The following ARHGAP35 variants were observed in gnomAD, a reference collection of about 807,000 sequenced individuals.
The protein encoded by ARHGAP35 is rho GTPase-activating protein 35.
A neutral mutation model predicts 111.1 loss-of-function variants in ARHGAP35; 15 were observed. The ratio of observed to expected loss-of-function variants is 0.13; its 90% CI spans 0.09 to 0.21. ARHGAP35 has a LOEUF of 0.21. Ranked by LOEUF, ARHGAP35 falls within the 10% of genes least tolerant of loss-of-function variation. The pLI, the probability that ARHGAP35 is intolerant of heterozygous loss-of-function variation, is 1.00. For synonymous variants in ARHGAP35, 643 were observed against 710.3 expected (o/e 0.91, Z 1.51); for missense variants, 1,262 against 1,873.0 (o/e 0.67, Z 6.02).
In ARHGAP35 at chr19:46,920,807, G is replaced by A; in HGVS notation, c.2132G>A (p.Gly711Glu). 2 of 1,611,274 alleles carry A rather than the reference G, an allele frequency of 1.2e-6. No homozygotes were observed. Among genetic ancestry groups the A allele is most frequent in the Non-Finnish European group, 1.7e-6 (2 of 1,178,518 alleles). ...ILVNKRGDTS[G>E]ETLHSLIQQG... ...GTTAACAAGAGAGGAGACACCAGTG[G>A]AGAGACTCTGCATAGCTTAATACAG... is the stretch of plus-strand genomic sequence containing the variant. Residue 711 changes from glycine to glutamate, a missense_variant, in exon 2 of 7, where the codon GGA (glycine) becomes GAA (glutamate). Physicochemically the swap from Gly to Glu is moderately conservative, Grantham distance 98. Coordinates refer to ENST00000672722, the MANE Select transcript of ARHGAP35 (RefSeq NM_004491.5). This position sits in a 1 kb window ranked among gnomAD's most constrained non-coding sequence, Gnocchi z 7.0.
intron 3 of ARHGAP35, among the ~76,000 whole-genome samples, chr19:46,987,350 A>C (rs985314541): frequency 6.7e-6 from 1 of 149,170 alleles, no homozygotes; most frequent in Non-Finnish European, 1.5e-5. Flanking sequence ...CAAGTAGCTT[A>C]GATTACAGGC....
chr19:46,878,121 T>G (rs1398000881), intron 1 of ARHGAP35, among the ~76,000 whole-genome samples: 1 of 152,022 alleles, frequency 6.6e-6, no homozygotes, highest in Non-Finnish European at 1.5e-5. Flanking sequence ...CCTCCCAGAT[T>G]TAAGCGAGTC....
chr19:46,866,954 C>G (rs1393842165), intron 1 of ARHGAP35, among the ~76,000 whole-genome samples: 1 of 152,176 alleles, frequency 6.6e-6, no homozygotes, highest in Admixed American at 6.5e-5. Flanking sequence ...CTGAACAGCA[C>G]TTGTATTGCT....
chr19:46,952,689 T>A (rs373410732), intron 3 of ARHGAP35, among the ~76,000 whole-genome samples: 2 of 152,222 alleles, frequency 1.3e-5, no homozygotes, highest in South Asian at 4.1e-4. Context: ...TTTTGTTTTG[T>A]TTGAGACAGG....
At chr19:46,917,505 G>C (rs1038945767) in intron 1 of ARHGAP35, among the ~76,000 whole-genome samples, 4 of 152,082 alleles carry the variant, frequency 2.6e-5, no homozygotes, top group Admixed American at 6.5e-5. Context: ...CTACTCGGGA[G>C]GCTGAGGAAG....
chr19:46,957,209 C>A (rs2056444714), intron 3 of ARHGAP35, among the ~76,000 whole-genome samples: 1 of 152,116 alleles, frequency 6.6e-6, no homozygotes, highest in African/African-American at 2.4e-5. Flanking sequence ...GATCCACCCG[C>A]CTCGGCCTCC....
rs1318148955 is a variant in ARHGAP35 at position 46,920,144 on chromosome 19, A to G, written c.1469A>G (p.Glu490Gly). The change falls in exon 2 of 7, where the codon GAA (glutamate) becomes GGA (glycine). Residue 490 changes from glutamate to glycine, a missense_variant. By Grantham distance (98) the Glu-to-Gly change is moderately conservative. Transcript: ENST00000672722. The surrounding 1 kb of genome is among the most constrained non-coding windows in gnomAD (Gnocchi z 7.0). ...AAGCAAATTATAGATAAAGCAAAGG[A>G]AGAATTTCAGGAGTTGCTTTTGGAA... The part of the protein sequence containing the change: ...HQKQIIDKAK[E>G]EFQELLLEYS... 3 of 1,614,004 alleles carry G rather than the reference A, an allele frequency of 1.9e-6. No individual in the cohort carries two copies. Among genetic ancestry groups the G allele is most frequent in the Admixed American group, 3.3e-5 (2 of 60,030 alleles).
rs1029187442 is a variant in ARHGAP35 at position 46,992,059 on chromosome 19, T to C, written c.4036+2384T>C. 6.6e-6 allele frequency among the ~76,000 whole-genome samples: 1 copy of C among 152,198 alleles called. No homozygotes were observed. The highest frequency in any genetic ancestry group is 2.4e-5 in the African/African-American group (1 of 41,442). Reference sequence around the variant, plus strand: ...ACGTTTGTGATTATTTGCCAGTTATTTTCCTCCCACACTCAAGGTGACACG... The same window carrying C: ...ACGTTTGTGATTATTTGCCAGTTATCTTCCTCCCACACTCAAGGTGACACG... On this transcript the variant is annotated intron_variant, in intron 5 of 6. Transcript: ENST00000672722. This position sits in a 1 kb window ranked among gnomAD's most constrained non-coding sequence, Gnocchi z 4.4.
intron 3 of ARHGAP35, among the ~76,000 whole-genome samples, chr19:46,938,786 TA>T (rs1400015527): frequency 1.3e-5 from 2 of 151,962 alleles, no homozygotes; most frequent in Non-Finnish European, 2.9e-5. Context: ...GCCTCCTGAG[TA>T]GCTGGGATTA....
chr19:46,989,354 T>C lies in ARHGAP35; in HGVS notation c.3905-190T>C. The C allele has an allele frequency of 3.1e-6, 2 of 643,988 alleles. No homozygotes were observed. Among genetic ancestry groups the C allele is most frequent in the Non-Finnish European group, 5.1e-6 (2 of 389,684 alleles). The allele number at this position is 643,988 out of a possible 1,614,324, so 39.9% of individuals were successfully genotyped here. A position where few individuals can be genotyped will look rare whatever the true frequency, so the allele number is the denominator to read the frequency against. ...GTTCAGCAGTCTCGGAAAGAGGTGCTGGGGCCAGCCCATGCCTGAACCTCA... is the reference window on the plus strand; with the variant it reads ...GTTCAGCAGTCTCGGAAAGAGGTGCCGGGGCCAGCCCATGCCTGAACCTCA... On this transcript the variant is annotated intron_variant, in intron 4 of 6. Coordinates refer to ENST00000672722, the MANE Select transcript of ARHGAP35 (RefSeq NM_004491.5). The surrounding 1 kb of genome is among the most constrained non-coding windows in gnomAD (Gnocchi z 5.3).
intron 1 of ARHGAP35, among the ~76,000 whole-genome samples, chr19:46,900,827 T>C (rs1035733481): frequency 6.6e-6 from 1 of 152,122 alleles, no homozygotes; most frequent in African/African-American, 2.4e-5. Context: ...CTGCCTGGAA[T>C]GCTGTCCCCC....
intron 1 of ARHGAP35, among the ~76,000 whole-genome samples, chr19:46,888,879 C>T (rs185324212): frequency 6.7e-4 from 100 of 150,210 alleles, no homozygotes; most frequent in Non-Finnish European, 1.2e-3. Context: ...GGTGGTGGCA[C>T]GTGCCTGTAG....
intron 3 of ARHGAP35, chr19:46,948,309 T>C (rs2056392060): frequency 6.6e-6 from 1 of 152,248 alleles, no homozygotes. Flanking sequence ...TCATATCACA[T>C]TGGGTTTTCA....
chr19:46,969,727 C>T (rs1239747756), intron 3 of ARHGAP35, among the ~76,000 whole-genome samples: 5 of 151,270 alleles, frequency 3.3e-5, no homozygotes, highest in South Asian at 4.2e-4. Flanking sequence ...AGAAGCAACA[C>T]GTCTTTCCTA....
rs936483360 is a variant in ARHGAP35, at chr19:46,926,469, C to T, written c.3681+4113C>T. Among the ~76,000 whole-genome samples, 15 of 152,142 alleles carry T rather than the reference C, an allele frequency of 9.9e-5. No individual in the cohort carries two copies. Among genetic ancestry groups the T allele is most frequent in the African/African-American group, 3.6e-4 (15 of 41,422 alleles). ...AAGACGAGATCAGGATCGGCAGGGT[C>T]TTATTTTAAAGCCAAAAAACAGGCT... On this transcript the variant is annotated intron_variant, in intron 2 of 6. Transcript: ENST00000672722. The surrounding 1 kb of genome is among the most constrained non-coding windows in gnomAD (Gnocchi z 4.1).
At position 46,937,351 on chromosome 19, in the gene ARHGAP35, C is replaced by G. The variant is rs1266437718; in HGVS notation, c.3769C>G (p.Pro1257Ala). ...GGTGCCCTTAACAACTGTCGTGACT[C>G]CAGAGAAGCCGATCCCCATTTTTAT... is the stretch of plus-strand genomic sequence containing the variant. ...FGVPLTTVVT[P>A]EKPIPIFIER... Residue 1257 changes from proline to alanine, a missense_variant, in exon 3 of 7, where the codon CCA (proline) becomes GCA (alanine). By Grantham distance (27) the Pro-to-Ala change is conservative. Transcript: ENST00000672722. The G allele has an allele frequency of 6.2e-7, 1 of 1,613,960 alleles. No individual in the cohort carries two copies. Among genetic ancestry groups the G allele is most frequent in the Middle Eastern group, 1.6e-4 (1 of 6,062 alleles).
chr19:46,893,615 C>G (rs183690262), intron 1 of ARHGAP35, among the ~76,000 whole-genome samples: 4 of 151,590 alleles, frequency 2.6e-5, no homozygotes, highest in Admixed American at 6.6e-5. Context: ...TTCTCTCCCC[C>G]CTTGGTTTTG....
intron 3 of ARHGAP35, among the ~76,000 whole-genome samples, chr19:46,941,865 C>T (rs1482466197): frequency 2.2e-5 from 3 of 135,558 alleles, no homozygotes; most frequent in African/African-American, 8.5e-5. Flanking sequence ...CAGCCAGAGA[C>T]CCTGTCTCTT....
chr19:46,868,513 C>G (rs868067844), intron 1 of ARHGAP35, among the ~76,000 whole-genome samples: 1 of 152,148 alleles, frequency 6.6e-6, no homozygotes, highest in Middle Eastern at 3.2e-3. Context: ...GGTTCCATAT[C>G]ACAGTATTTT....
Sources: allele counts gnomAD v4.1 joint callset (sites outside exome capture counted in the v4.1 genomes callset), GRCh38; gene constraint gnomAD v4.1.1; non-coding constraint Gnocchi (gnomAD v3.1); transcripts MANE v1.5; gene names NCBI Gene and HGNC (gene_info 2026-07-23, HGNC 2026-07-21).